Variants in PHC1 observed in about 807,000 individuals in gnomAD.
PHC1 encodes the protein polyhomeotic-like protein 1.
PHC1 carries 12 observed loss-of-function variants against 104.3 expected under a neutral mutation model. That is an observed-to-expected ratio of 0.12 (90% CI 0.07 to 0.19). The LOEUF (loss-of-function observed/expected upper bound fraction) is 0.19, where lower values mean the gene tolerates loss of function less well. PHC1 is among the 10% of genes least tolerant of loss of function. PHC1 has a pLI of 1.00. For synonymous variants in PHC1, 302 were observed against 455.8 expected (o/e 0.66, Z 4.30); for missense variants, 671 against 1,200.0 (o/e 0.56, Z 6.51).
chr12:8,916,313 G>C (rs895677252), intron 1 of PHC1, among the ~76,000 whole-genome samples: 1 of 152,106 alleles, frequency 6.6e-6, no homozygotes, highest in East Asian at 1.9e-4. Context: ...TTGATACTTT[G>C]CTTGTTTGTT....
At position 8,930,854 on chromosome 12, in the gene PHC1, T is replaced by C. The variant is rs760262522; in HGVS notation, c.1032T>C (p.Ser344=). The change falls in exon 7 of 15, where the codon AGT becomes AGC. Residue 344 remains serine, a synonymous_variant. Transcript: ENST00000544916. ...CCAAGAAGGCAGAAGCAGATGGGAG[T>C]GGCCAGCAGAATGTGGGCATGAACC... is the stretch of plus-strand genomic sequence containing the variant. The part of the protein sequence containing the change: ...AAAKKAEADG[S]GQQNVGMNLT... 1.3e-6 allele frequency: 2 copies of C among 1,519,620 alleles called. No individual in the cohort carries two copies. Among genetic ancestry groups the C allele is most frequent in the South Asian group, 1.3e-5 (1 of 75,312 alleles). 94.1% of individuals were successfully genotyped at this position (1,519,620 alleles called of 1,614,324 possible).
rs187805828 is a variant in PHC1, at chr12:8,920,655, C to T, written c.226-330C>T. 1.4e-4 allele frequency among the ~76,000 whole-genome samples: 22 copies of T among 152,260 alleles called. No homozygotes were observed. The East Asian group carries it at 3.5e-3, about 24-fold the overall frequency. ...CCTGGGAGGCGGAGGTTGCAGTGAG[C>T]GGAGATCATGCCACTGCACTCCAGC... On this transcript the variant is annotated intron_variant, in intron 3 of 14. Transcript: ENST00000544916.
In PHC1 at chr12:8,929,001, C is replaced by T. The variant is rs905173128; in HGVS notation, c.613-1434C>T. On this transcript the variant is annotated intron_variant, in intron 6 of 14. Transcript: ENST00000544916. ...AATGAATAATGCCACCATGAACATT[C>T]CTACACATGCCTCCTGTGGTACATG... Among the ~76,000 whole-genome samples the T allele has an allele frequency of 4.6e-5, 7 of 152,270 alleles. 1 individual carries two copies. In the South Asian group the frequency reaches 1.5e-3, roughly 32 times the overall value.
chr12:8,938,344 C>T (rs1434529133), intron 14 of PHC1, among the ~76,000 whole-genome samples: 1 of 152,060 alleles, frequency 6.6e-6, no homozygotes, highest in Non-Finnish European at 1.5e-5. Context: ...ACTATGATAC[C>T]TCCCATGGGG....
rs772426045 is a variant in PHC1, at chr12:8,933,385, A to G, written c.1893+35A>G. 86 of 1,514,428 alleles carry G rather than the reference A, an allele frequency of 5.7e-5. No individual in the cohort carries two copies. The South Asian group carries it at 1.0e-3, about 18-fold the overall frequency. The allele number at this position is 1,514,428 out of a possible 1,614,324, so 93.8% of individuals were successfully genotyped here. ...GTCTGATGGTTTTGAGGGCACTATT[A>G]TGCATGAGAGTGGACCTGGGCTAAG... On this transcript the variant is annotated intron_variant, in intron 8 of 14. Coordinates refer to ENST00000544916, the MANE Select transcript of PHC1 (RefSeq NM_004426.3).
chr12:8,936,791 C>A, intron 11 of PHC1, 65 bp from the exon 12 acceptor site: 2 of 993,380 alleles, frequency 2.0e-6, no homozygotes, highest in Non-Finnish European at 3.2e-6. Context: ...CAGCTCTGAG[C>A]CTAATGATTG....
At chr12:8,934,102 A>G (rs1319003321) in intron 9 of PHC1, 90 bp downstream of exon 9, 25 of 1,470,188 alleles carry the variant, frequency 1.7e-5, no homozygotes, top group Non-Finnish European at 2.3e-5. Flanking sequence ...TTGAGTAGAA[A>G]ATGGGCCAGA....
At chr12:8,921,898 C>A in intron 5 of PHC1, 148 bp downstream of exon 5, 1 of 721,578 alleles carries the variant, frequency 1.4e-6, no homozygotes, top group South Asian at 2.1e-5. Flanking sequence ...ACTGCAGCCT[C>A]TGCCTCCCAG....
Position 8,937,259 on chromosome 12 carries a change from G to A in PHC1, c.2561G>A (p.Arg854His), listed in dbSNP as rs780042534. Residue 854 changes from arginine to histidine, a missense_variant, in exon 13 of 15, where the codon CGC (arginine) becomes CAC (histidine). By Grantham distance (29) the Arg-to-His change is conservative. Around this residue, in one of 9 missense-constraint regions of PHC1, gnomAD observed 192 missense variants for 280.5 expected, o/e 0.68. Transcript: ENST00000544916. The stretch of plus-strand genomic sequence containing the variant: ...CAAGAAGCCAACTATGCTCGCGTTC[G>A]CAGGCGTGGACCCCGCCGCAGCTCC... ...EFQEANYARVRRRGPRRSSSD... is the reference protein window; with the variant it reads ...EFQEANYARVHRRGPRRSSSD... 4.3e-6 allele frequency: 7 copies of A among 1,612,554 alleles called. No individual in the cohort carries two copies. The highest frequency in any genetic ancestry group is 1.1e-5 in the South Asian group (1 of 90,850).
chr12:8,914,461 G>GGC (rs1945140848), upstream of PHC1: 1 of 148,968 alleles, frequency 6.7e-6, no homozygotes, highest in Admixed American at 6.6e-5. Flanking sequence ...GGACGGCGGG[G>GGC]GGGGGGTCCG....
chr12:8,920,028 G>C (rs1321399711), intron 3 of PHC1, 162 bp downstream of exon 3: 1 of 1,129,180 alleles, frequency 8.9e-7, no homozygotes, highest in East Asian at 2.6e-5. Flanking sequence ...CTTAGCTTCT[G>C]GGGTTGCAGT....
Position 8,919,303 on chromosome 12 carries a change from T to C in PHC1, c.115-453T>C, listed in dbSNP as rs12829668. 6.6e-6 allele frequency among the ~76,000 whole-genome samples: 1 copy of C among 152,106 alleles called. No homozygotes were observed. The highest frequency in any genetic ancestry group is 3.2e-3 in the Middle Eastern group (1 of 316). On this transcript the variant is annotated intron_variant, in intron 2 of 14. Coordinates refer to ENST00000544916, the MANE Select transcript of PHC1 (RefSeq NM_004426.3). This position sits in a 1 kb window ranked among gnomAD's most constrained non-coding sequence, Gnocchi z 4.9. ...CTTGAACTCCCGACCTCAGGTGATC[T>C]GCCCTCCTAGGCCTCCCAAAGTGCT...
chr12:8,930,014 AT>A (rs1237570036), intron 6 of PHC1, among the ~76,000 whole-genome samples: 2 of 152,092 alleles, frequency 1.3e-5, no homozygotes, highest in Non-Finnish European at 2.9e-5. Context: ...TATACATCTT[AT>A]TATGTCATAA....
intron 6 of PHC1, among the ~76,000 whole-genome samples, chr12:8,929,983 C>T (rs1310052188): frequency 6.6e-6 from 1 of 152,150 alleles, no homozygotes; most frequent in Non-Finnish European, 1.5e-5. Flanking sequence ...CTCTGTACTC[C>T]TATGGTACTG....
Position 8,919,670 on chromosome 12 carries a change from G to A in PHC1, c.115-86G>A. 6 of 1,316,840 alleles carry A rather than the reference G, an allele frequency of 4.6e-6. No homozygotes were observed. The highest frequency in any genetic ancestry group is 6.3e-6 in the Non-Finnish European group (6 of 946,048). The allele number at this position is 1,316,840 out of a possible 1,614,324, so 81.6% of individuals were successfully genotyped here. Reference sequence around the variant, plus strand: ...TCCTCTGGTTTCTGTCCTTCCCATGGCCCCCTTTCACACAAATACAGTGAT... The same window carrying A: ...TCCTCTGGTTTCTGTCCTTCCCATGACCCCCTTTCACACAAATACAGTGAT... On this transcript the variant is annotated intron_variant, in intron 2 of 14. Transcript: ENST00000544916. The surrounding 1 kb of genome is among the most constrained non-coding windows in gnomAD (Gnocchi z 4.9).
intron 6 of PHC1, among the ~76,000 whole-genome samples, chr12:8,927,906 TTTCTTTC>T (rs1160394121): frequency 0.056 from 6,285 of 112,762 alleles, 235 homozygotes; most frequent in Middle Eastern, 0.093. Context: ...TCTTTCTTTC[TTTCTTTC>T]TTTTTTTTTT....
At chr12:8,923,992 A>AGATGTGCTATGTGCACAGAT (rs1322949453) in intron 6 of PHC1, among the ~76,000 whole-genome samples, 1 of 152,230 alleles carries the variant, frequency 6.6e-6, no homozygotes, top group Non-Finnish European at 1.5e-5. Flanking sequence ...GTGTATGGGA[A>AGATGTGCTATGTGCACAGAT]GATGTGCTAT....
At position 8,933,958 on chromosome 12, in the gene PHC1, G is replaced by C. The variant is rs1945763598; in HGVS notation, c.1987G>C (p.Ala663Pro). The C allele has an allele frequency of 3.7e-6, 6 of 1,613,864 alleles. No homozygotes were observed. The African/African-American group carries it at 4.0e-5, about 11-fold the overall frequency. ...ATTGGGTTCAATGCTTCCTGCCAAG[G>C]CATCTCCAGTAGCAGAAAGCCCAAA... ...STLGSMLPAK[A>P]SPVAESPKVM... Residue 663 changes from alanine (A) to proline (P), a missense_variant, in exon 9 of 15, where the codon GCA (alanine) becomes CCA (proline). Ala to Pro is a conservative substitution (Grantham distance 27). Coordinates refer to ENST00000544916, the MANE Select transcript of PHC1 (RefSeq NM_004426.3).
chr12:8,927,855 TTCTTTC>T lies in PHC1; in HGVS notation c.613-2578_613-2573del, dbSNP rs1284166452. Among the ~76,000 whole-genome samples the T allele has an allele frequency of 5.0e-3, 171 of 34,142 alleles. 4 individuals are homozygous for T. Among genetic ancestry groups the T allele is most frequent in the African/African-American group, 0.016 (163 of 10,506 alleles). 22.4% of individuals were successfully genotyped at this position (34,142 alleles called of 152,430 possible). On this transcript the variant is annotated intron_variant, in intron 6 of 14. Coordinates refer to ENST00000544916, the MANE Select transcript of PHC1 (RefSeq NM_004426.3). Reference sequence around the variant, plus strand: ...TATTTTAACCTGTACTGTACTAGTTTTCTTTCTTTCTTTCTTTCTTTCTTTCTTTCT... The same window carrying T: ...TATTTTAACCTGTACTGTACTAGTTTTTTCTTTCTTTCTTTCTTTCTTTCT...
Sources: gnomAD v4.1 joint callset for allele counts (sites outside exome capture counted in the v4.1 genomes callset) on GRCh38, gnomAD v4.1.1 for gene constraint, gnomAD v4.1.1 regional missense constraint, Gnocchi (gnomAD v3.1) non-coding constraint, MANE v1.5 for transcripts, NCBI Gene and HGNC (gene_info 2026-07-23, HGNC 2026-07-21) for gene names.